The following ANKHD1 variants were observed in gnomAD, a reference collection of about 807,000 sequenced individuals.
ANKHD1 encodes the protein ankyrin repeat and KH domain-containing protein 1.
In ANKHD1, 31 loss-of-function variants were observed where a neutral mutation model predicts 230.5. The observed-to-expected ratio is 0.13, with a 90% CI of 0.10 to 0.18. The LOEUF is 0.18. Among genes scored for constraint, ANKHD1 ranks in the 10% least tolerant of loss-of-function variants. The pLI, the probability that ANKHD1 is intolerant of heterozygous loss-of-function variation, is 1.00. For missense variants in ANKHD1, 2,256 were observed against 3,071.3 expected (o/e 0.73, Z 6.27); for synonymous variants, 1,074 against 1,117.6 (o/e 0.96, Z 0.78).
At chr5:140,466,157 C>T (rs1199506969) in intron 10 of ANKHD1, among the ~76,000 whole-genome samples, 1 of 151,872 alleles carries the variant, frequency 6.6e-6, no homozygotes, top group Non-Finnish European at 1.5e-5. Context: ...TTTGGGATGC[C>T]GAGGTGGGTG....
chr5:140,512,715 A>G (rs774298687), intron 22 of ANKHD1, 113 bp from the exon 23 acceptor site: 48 of 906,984 alleles, frequency 5.3e-5, no homozygotes, highest in Non-Finnish European at 7.8e-5. Context: ...GTAGGCATAT[A>G]TGCAAAATCA....
In ANKHD1 at chr5:140,523,973, A is replaced by T. The variant is rs757370955; in HGVS notation, c.4318-93A>T. 1.1e-4 allele frequency: 151 copies of T among 1,431,068 alleles called. 1 individual carries two copies. The highest frequency in any genetic ancestry group is 5.3e-5 in the Non-Finnish European group (57 of 1,082,974). The allele number at this position is 1,431,068 out of a possible 1,614,324, so 88.6% of individuals were successfully genotyped here. On this transcript the variant is annotated intron_variant, in intron 24 of 33. Transcript: ENST00000360839. ...TAAATGTGTTTTGAGAGTAACATCC[A>T]TGGAAATCCCTGTGTATCATAAAAA...
Position 140,539,534 on chromosome 5 carries a change from T to G in ANKHD1, c.*116T>G. ...TTCTCTGAGGCTTTAGCAATGGAAA[T>G]TTGATTGCCCATTGTATAAGAACAA... On this transcript the variant is annotated 3_prime_UTR_variant, in exon 34 of 34. Transcript: ENST00000360839. 8.8e-7 allele frequency: 1 copy of G among 1,136,510 alleles called. No homozygotes were observed. The highest frequency in any genetic ancestry group is 1.5e-5 in the South Asian group (1 of 66,112). The allele number at this position is 1,136,510 out of a possible 1,614,324, so 70.4% of individuals were successfully genotyped here.
At position 140,450,715 on chromosome 5, in the gene ANKHD1, T is replaced by G. The variant is rs558527903; in HGVS notation, c.1242+1410T>G. 5.3e-5 allele frequency among the ~76,000 whole-genome samples: 8 copies of G among 152,284 alleles called. No individual in the cohort carries two copies. The South Asian group carries it at 1.7e-3, about 32-fold the overall frequency. Reference sequence around the variant, plus strand: ...TTACCATGCCTAGCTAACTTTTAAATTTTTTGTAGAGACAGCATCTCACTA... The same window carrying G: ...TTACCATGCCTAGCTAACTTTTAAAGTTTTTGTAGAGACAGCATCTCACTA... On this transcript the variant is annotated intron_variant, in intron 7 of 33. Transcript: ENST00000360839.
chr5:140,538,367 C>A, intron 32 of ANKHD1, 106 bp downstream of exon 32: 1 of 1,513,184 alleles, frequency 6.6e-7, no homozygotes, highest in Non-Finnish European at 8.9e-7. Context: ...GTTTCTGTGG[C>A]TTTGCTAGAT....
chr5:140,527,018 C>T lies in ANKHD1; in HGVS notation c.5031C>T (p.Leu1677=). The change falls in exon 27 of 34, where the codon CTC becomes CTT. Residue 1677 remains leucine (L), a synonymous_variant. Coordinates refer to ENST00000360839, the MANE Select transcript of ANKHD1 (RefSeq NM_017747.3). This position sits in a 1 kb window ranked among gnomAD's most constrained non-coding sequence, Gnocchi z 4.5. ...PLSSPNIKLN[L]TSPKRGQKRE... is the part of the protein sequence containing the mutation. The stretch of plus-strand genomic sequence containing the variant: ...GCTCTCCAAACATAAAGCTGAATCT[C>T]ACTAGCCCTAAAAGGGGTCAGAAAA... 1 of 1,613,710 alleles carries T rather than the reference C, an allele frequency of 6.2e-7. No homozygotes were observed.
intron 24 of ANKHD1, among the ~76,000 whole-genome samples, 159 bp from the exon 25 acceptor site, chr5:140,523,907 A>G (rs1265843027): frequency 2.0e-5 from 3 of 152,048 alleles, no homozygotes; most frequent in Non-Finnish European, 4.4e-5. Context: ...AAAGTTTTTA[A>G]TTTTGATGGT....
Position 140,507,369 on chromosome 5 carries a change from G to A in ANKHD1, c.3551+392G>A, listed in dbSNP as rs145193793. ...GTTGCCCAGGCTGGAATGCAATGGC[G>A]CGATCTTGGCTTACCGCGAACTCTG... On this transcript the variant is annotated intron_variant, in intron 19 of 33. Transcript: ENST00000360839. This position sits in a 1 kb window ranked among gnomAD's most constrained non-coding sequence, Gnocchi z 4.1. 9.2e-5 allele frequency among the ~76,000 whole-genome samples: 14 copies of A among 152,304 alleles called. No individual in the cohort carries two copies. Among genetic ancestry groups the A allele is most frequent in the East Asian group, 3.9e-4 (2 of 5,192 alleles).
intron 1 of ANKHD1, among the ~76,000 whole-genome samples, chr5:140,403,488 T>G (rs1027240940): frequency 1.3e-5 from 2 of 151,942 alleles, no homozygotes; most frequent in Non-Finnish European, 2.9e-5. Flanking sequence ...CTCGGCACAC[T>G]GCAACCTCCG....
At chr5:140,417,792 G>C (rs1318041731) in intron 1 of ANKHD1, among the ~76,000 whole-genome samples, 1 of 149,544 alleles carries the variant, frequency 6.7e-6, no homozygotes, top group Non-Finnish European at 1.5e-5. Flanking sequence ...AAACTTACTG[G>C]AAAGTTGTAA....
rs368719788 is a variant in ANKHD1, at chr5:140,459,263, C to T, written c.1580C>T (p.Ala527Val). The change falls in exon 9 of 34, where the codon GCA becomes GTA. Residue 527 changes from alanine (A) to valine (V), a missense_variant. Ala to Val is a moderately conservative substitution (Grantham distance 64). Coordinates refer to ENST00000360839, the MANE Select transcript of ANKHD1 (RefSeq NM_017747.3). ...GAAGTTGCAGACTTTCTTATTAAGG[C>T]AGGGGCTGATATAGAACTTGGCTGC... Reference protein sequence around the residue: ...FSEVADFLIKAGADIELGCST... With the variant: ...FSEVADFLIKVGADIELGCST... The T allele has an allele frequency of 6.2e-7, 1 of 1,603,664 alleles. No homozygotes were observed. Among genetic ancestry groups the T allele is most frequent in the Non-Finnish European group, 8.5e-7 (1 of 1,172,804 alleles).
At chr5:140,458,090 G>A (rs1031452734) in intron 7 of ANKHD1, among the ~76,000 whole-genome samples, 5 of 152,132 alleles carry the variant, frequency 3.3e-5, no homozygotes, top group Non-Finnish European at 4.4e-5. Flanking sequence ...ATAGGATGGT[G>A]TCAATCCAGA....
Position 140,485,618 on chromosome 5 carries a change from A to G in ANKHD1, c.2028A>G (p.Ala676=). The G allele has an allele frequency of 1.2e-6, 2 of 1,614,082 alleles. No individual in the cohort carries two copies. Among genetic ancestry groups the G allele is most frequent in the Non-Finnish European group, 1.7e-6 (2 of 1,179,980 alleles). The change falls in exon 13 of 34, where the codon GCA becomes GCG. Residue 676 remains alanine, a synonymous_variant. Coordinates refer to ENST00000360839, the MANE Select transcript of ANKHD1 (RefSeq NM_017747.3). The surrounding 1 kb of genome is among the most constrained non-coding windows in gnomAD (Gnocchi z 4.8). ...GTTCAACAATGCTCATTGAAGCTGCAAAGGGTGGCCATACTAATGTAGTTT... is the reference window on the plus strand; with the variant it reads ...GTTCAACAATGCTCATTGAAGCTGCGAAGGGTGGCCATACTAATGTAGTTT... ...KDGSTMLIEA[A]KGGHTNVVSY...
intron 1 of ANKHD1, among the ~76,000 whole-genome samples, chr5:140,425,756 G>A (rs1446965258): frequency 1.3e-5 from 2 of 152,052 alleles, no homozygotes; most frequent in Non-Finnish European, 2.9e-5. Context: ...TCATTATTTG[G>A]TGCTAAATTA....
chr5:140,438,063 T>C (rs996348673), intron 2 of ANKHD1, among the ~76,000 whole-genome samples: 2 of 152,246 alleles, frequency 1.3e-5, no homozygotes, highest in African/African-American at 4.8e-5. Context: ...TTTGTTACAG[T>C]ATTACAGACT....
chr5:140,452,130 A>T (rs146984803), intron 7 of ANKHD1, among the ~76,000 whole-genome samples: 19 of 152,240 alleles, frequency 1.2e-4, no homozygotes, highest in Middle Eastern at 3.4e-3. Flanking sequence ...TTGCTAACAC[A>T]GCAGTCTGAG....
intron 24 of ANKHD1, among the ~76,000 whole-genome samples, chr5:140,517,819 A>T (rs1380911137): frequency 1.4e-5 from 2 of 147,802 alleles, no homozygotes; most frequent in African/African-American, 5.0e-5. Context: ...ATAGCACTAA[A>T]TGCCCACAAG....
intron 14 of ANKHD1, among the ~76,000 whole-genome samples, chr5:140,492,106 A>G (rs1215650398): frequency 4.6e-5 from 7 of 152,178 alleles, no homozygotes; most frequent in Non-Finnish European, 8.8e-5. Flanking sequence ...AAGTTCTCAC[A>G]TTTTTATATC....
intron 11 of ANKHD1, among the ~76,000 whole-genome samples, chr5:140,483,943 T>C (rs1581322504): frequency 6.6e-6 from 1 of 152,314 alleles, no homozygotes; most frequent in East Asian, 1.9e-4. Context: ...TTATGTTTCT[T>C]TACTAAAGAG....
Sources: gnomAD v4.1 joint callset for allele counts (sites outside exome capture counted in the v4.1 genomes callset) on GRCh38, gnomAD v4.1.1 for gene constraint, Gnocchi (gnomAD v3.1) non-coding constraint, MANE v1.5 for transcripts, NCBI Gene and HGNC (gene_info 2026-07-23, HGNC 2026-07-21) for gene names.